The following STK33 variants were observed in gnomAD, a reference collection of about 807,000 sequenced individuals.
The protein encoded by STK33 is serine/threonine-protein kinase 33.
In STK33, 52 loss-of-function variants were observed where a neutral mutation model predicts 58.0. The observed-to-expected ratio is 0.90, with a 90% CI of 0.72 to 1.13. The LOEUF is 1.13. STK33 is among the 50% of genes most tolerant of loss of function. STK33 has a pLI of 0.00. For synonymous variants in STK33, 215 were observed against 200.1 expected (o/e 1.07, Z -0.63); for missense variants, 630 against 604.2 (o/e 1.04, Z -0.45).
At chr11:8,429,130 G>T in intron 14 of STK33, among the ~76,000 whole-genome samples, 1 of 152,088 alleles carries the variant, frequency 6.6e-6, no homozygotes. Flanking sequence ...TGTTAAAGAA[G>T]AACTTGTTCA....
chr11:8,511,642 G>A (rs1200160346), intron 1 of STK33, among the ~76,000 whole-genome samples: 2 of 151,986 alleles, frequency 1.3e-5, no homozygotes, highest in African/African-American at 4.8e-5. Context: ...ATTACTTTGA[G>A]GTATGTCCCT....
At chr11:8,485,242 A>G (rs1331839343) in intron 1 of STK33, among the ~76,000 whole-genome samples, 1 of 152,190 alleles carries the variant, frequency 6.6e-6, no homozygotes, top group African/African-American at 2.4e-5. Flanking sequence ...AGAAGAATAT[A>G]AAGTCTAAAA....
chr11:8,565,430 G>T (rs1591818220), intron 1 of STK33, among the ~76,000 whole-genome samples: 1 of 152,136 alleles, frequency 6.6e-6, no homozygotes, highest in Non-Finnish European at 1.5e-5. Context: ...GGCAAAAAAA[G>T]AAATACCTTC....
At chr11:8,508,328 G>A (rs1952034342) in intron 1 of STK33, among the ~76,000 whole-genome samples, 1 of 132,368 alleles carries the variant, frequency 7.6e-6, no homozygotes, top group Admixed American at 8.6e-5. Flanking sequence ...GAGTGTAGCT[G>A]CACAATCATA....
chr11:8,389,644 T>C (rs1848590643), downstream of STK33, among the ~76,000 whole-genome samples: 1 of 152,234 alleles, frequency 6.6e-6, no homozygotes, highest in African/African-American at 2.4e-5. Flanking sequence ...GCGGCTGGAA[T>C]TTAAAAAGCT....
intron 1 of STK33, among the ~76,000 whole-genome samples, chr11:8,494,484 A>C (rs1447626580): frequency 2.0e-5 from 3 of 152,242 alleles, no homozygotes; most frequent in Non-Finnish European, 2.9e-5. Context: ...GCTCATGGAT[A>C]GGAAGAATCA....
chr11:8,442,092 G>A (rs570080776), intron 11 of STK33, among the ~76,000 whole-genome samples: 6 of 150,704 alleles, frequency 4.0e-5, no homozygotes, highest in Non-Finnish European at 7.4e-5. Context: ...AAAAGCAAAT[G>A]GAATTTCATT....
chr11:8,529,702 G>A (rs1346892419), intron 1 of STK33, among the ~76,000 whole-genome samples: 1 of 152,084 alleles, frequency 6.6e-6, no homozygotes, highest in Non-Finnish European at 1.5e-5. Context: ...TACAGTATGA[G>A]AAAGACTCGT....
the STK33 span, among the ~76,000 whole-genome samples, chr11:8,351,194 C>T: frequency 2.0e-5 from 3 of 152,186 alleles, no homozygotes. Context: ...CTAGTCCTGA[C>T]AATTCTACTA....
chr11:8,566,782 T>C (rs924808135), intron 1 of STK33, among the ~76,000 whole-genome samples: 4 of 152,238 alleles, frequency 2.6e-5, no homozygotes, highest in Admixed American at 6.5e-5. Flanking sequence ...TGCCAAGTGA[T>C]AGACTGACCT....
At chr11:8,521,984 C>T (rs908936875) in intron 1 of STK33, among the ~76,000 whole-genome samples, 24 of 152,048 alleles carry the variant, frequency 1.6e-4, no homozygotes, top group Non-Finnish European at 2.5e-4. Flanking sequence ...ACAACAGATA[C>T]TGGAGAGGAT....
At chr11:8,468,271 C>T (rs954130197) in intron 6 of STK33, among the ~76,000 whole-genome samples, 1 of 152,166 alleles carries the variant, frequency 6.6e-6, no homozygotes, top group African/African-American at 2.4e-5. Context: ...TGAGAAAAAC[C>T]TGCCCCCATG....
chr11:8,525,178 C>T (rs769773374), intron 1 of STK33, among the ~76,000 whole-genome samples: 47 of 152,086 alleles, frequency 3.1e-4, no homozygotes, highest in Admixed American at 5.9e-4. Flanking sequence ...AAATGAAGCT[C>T]CCCCTAAGCT....
chr11:8,438,678 C>T (rs1014067293), intron 12 of STK33, among the ~76,000 whole-genome samples: 14 of 152,122 alleles, frequency 9.2e-5, no homozygotes, highest in Non-Finnish European at 2.1e-4. Context: ...AATACATTCA[C>T]TTTCCTTAAC....
rs2289923 is a variant in STK33, at chr11:8,474,969, G to A, written c.-64C>T. 0.6 allele frequency: 874,474 copies of A among 1,461,448 alleles called. 264,253 individuals carry two copies. Among genetic ancestry groups the A allele is most frequent in the African/African-American group, 0.64 (45,286 of 70,298 alleles). The allele number at this position is 1,461,448 out of a possible 1,614,324, so 90.5% of individuals were successfully genotyped here. On this transcript the variant is annotated 5_prime_UTR_variant, in exon 5 of 16. Coordinates refer to ENST00000687296, the MANE Select transcript of STK33 (RefSeq NM_001352389.2). Reference sequence around the variant, plus strand: ...TCCACTGTTTGAGGAAGAAAACCAGGCCAAAAAGGATAAGGTAGTTGATGG... The same window carrying A: ...TCCACTGTTTGAGGAAGAAAACCAGACCAAAAAGGATAAGGTAGTTGATGG...
intron 11 of STK33, among the ~76,000 whole-genome samples, chr11:8,443,705 T>C (rs949905273): frequency 6.6e-6 from 1 of 151,816 alleles, no homozygotes; most frequent in African/African-American, 2.4e-5. Flanking sequence ...GAAGTTATAA[T>C]AAAAAACAAA....
intron 1 of STK33, among the ~76,000 whole-genome samples, chr11:8,489,452 T>C (rs140278161): frequency 6.5e-4 from 99 of 152,274 alleles, no homozygotes; most frequent in Non-Finnish European, 1.0e-3. Flanking sequence ...GGCTCATGGT[T>C]CTAGAGACTA....
chr11:8,341,290 G>C, the STK33 span, among the ~76,000 whole-genome samples: 1 of 152,212 alleles, frequency 6.6e-6, no homozygotes, highest in Non-Finnish European at 1.5e-5. Flanking sequence ...CTTTATCAGA[G>C]GACAGCGACC....
Position 8,405,499 on chromosome 11 carries a change from C to T in STK33, c.1344+7996G>A, listed in dbSNP as rs139704884. Among the ~76,000 whole-genome samples the T allele has an allele frequency of 7.3e-5, 11 of 149,660 alleles. No homozygotes were observed. The East Asian group carries it at 2.1e-3, about 29-fold the overall frequency. On this transcript the variant is annotated intron_variant, in intron 15 of 15. Transcript: ENST00000687296. Reference sequence around the variant, plus strand: ...AGTCTTCTGTCATATATATTTATTGCAAATATTTTCTCCCTGTCTGTGGCT... The same window carrying T: ...AGTCTTCTGTCATATATATTTATTGTAAATATTTTCTCCCTGTCTGTGGCT...
Sources: allele counts gnomAD v4.1 joint callset (sites outside exome capture counted in the v4.1 genomes callset), GRCh38; gene constraint gnomAD v4.1.1; transcripts MANE v1.5; gene names NCBI Gene and HGNC (gene_info 2026-07-23, HGNC 2026-07-21).